The following IQCJ variants were observed in gnomAD, a reference collection of about 807,000 sequenced individuals.
IQCJ encodes the protein IQ motif containing J.
Under a neutral mutation model 11.0 loss-of-function variants are expected in IQCJ, and 9 were observed. The ratio of observed to expected loss-of-function variants is 0.82; its 90% CI spans 0.49 to 1.43. The LOEUF is 1.43. Among genes scored for constraint, IQCJ ranks in the 40% most tolerant of loss-of-function variants. The pLI is 0.00. For missense variants in IQCJ, 146 were observed against 133.2 expected, an observed-to-expected ratio of 1.10 and a Z score of -0.47; for synonymous variants, 55 against 51.3, an observed-to-expected ratio of 1.07 and a Z score of -0.31.
Position 159,152,525 on chromosome 3 carries a change from AGC to A in IQCJ, c.9+83085_9+83086del, listed in dbSNP as rs1446326058. ...AAGACCTGGGGTTAAATACTAGCTCAGCCACTCACTAAATGTGTGATTTTTGC... is the reference window on the plus strand; with the variant it reads ...AAGACCTGGGGTTAAATACTAGCTCACACTCACTAAATGTGTGATTTTTGC... On this transcript the variant is annotated intron_variant, in intron 1 of 3. Coordinates refer to ENST00000397832, the MANE Select transcript of IQCJ (RefSeq NM_001042706.3). Among the ~76,000 whole-genome samples, 3 of 152,340 alleles carry A rather than the reference AGC, an allele frequency of 2.0e-5. 1 individual carries two copies. Among genetic ancestry groups the A allele is most frequent in the East Asian group, 1.9e-4 (1 of 5,186 alleles).
chr3:159,089,771 C>T (rs1313777269), intron 1 of IQCJ, among the ~76,000 whole-genome samples: 1 of 151,684 alleles, frequency 6.6e-6, no homozygotes, highest in African/African-American at 2.4e-5. Flanking sequence ...TCAGCTCCAT[C>T]AGCTCCTTTA....
intron 3 of IQCJ, among the ~76,000 whole-genome samples, chr3:159,261,114 GAACTATTCCAGCC>G (rs1158761241): frequency 6.6e-6 from 1 of 152,092 alleles, no homozygotes; most frequent in Admixed American, 6.5e-5. Flanking sequence ...GATGATCTTT[GAACTATTCCAGCC>G]AAATGAGAAT....
At chr3:159,209,451 G>C (rs1341483265) in intron 1 of IQCJ, among the ~76,000 whole-genome samples, 1 of 152,164 alleles carries the variant, frequency 6.6e-6, no homozygotes, top group Admixed American at 6.5e-5. Context: ...TTCCTGGACA[G>C]ACGGATGGCT....
intron 1 of IQCJ, among the ~76,000 whole-genome samples, chr3:159,244,141 C>A (rs997437874): frequency 3.3e-5 from 5 of 152,112 alleles, no homozygotes; most frequent in African/African-American, 9.7e-5. Context: ...CAGACATGTA[C>A]ATGGAACTGT....
intron 1 of IQCJ, among the ~76,000 whole-genome samples, chr3:159,245,131 G>C (rs939617851): frequency 2.0e-5 from 3 of 152,144 alleles, no homozygotes; most frequent in African/African-American, 7.2e-5. Flanking sequence ...GTATGTGTGT[G>C]TCTGAGCACG....
intron 1 of IQCJ, among the ~76,000 whole-genome samples, chr3:159,109,696 A>T (rs1432272019): frequency 6.6e-6 from 1 of 151,984 alleles, no homozygotes; most frequent in African/African-American, 2.4e-5. Flanking sequence ...GCACCTTCAC[A>T]TTCAAATGCC....
At chr3:159,090,163 G>T (rs904785006) in intron 1 of IQCJ, among the ~76,000 whole-genome samples, 1 of 151,870 alleles carries the variant, frequency 6.6e-6, no homozygotes, top group South Asian at 2.1e-4. Flanking sequence ...CTGCAGGTCT[G>T]TTGGAGTACT....
intron 1 of IQCJ, among the ~76,000 whole-genome samples, chr3:159,087,704 A>G (rs1166545433): frequency 4.6e-4 from 67 of 145,388 alleles, no homozygotes; most frequent in African/African-American, 1.3e-3. Context: ...GTTTATTTGC[A>G]TAGCGGTGTT....
intron 1 of IQCJ, among the ~76,000 whole-genome samples, chr3:159,079,236 CAG>C (rs946174288): frequency 3.2e-4 from 48 of 152,226 alleles, no homozygotes; most frequent in African/African-American, 1.1e-3. Context: ...CAGTTTAAAA[CAG>C]AGTTCACCAC....
intron 3 of IQCJ, among the ~76,000 whole-genome samples, chr3:159,255,270 C>T (rs963507909): frequency 1.3e-5 from 2 of 152,184 alleles, no homozygotes; most frequent in Admixed American, 1.3e-4. Flanking sequence ...CTCCTTTCCC[C>T]TCCATGATGA....
chr3:159,115,121 T>C (rs558975789), intron 1 of IQCJ, among the ~76,000 whole-genome samples: 2 of 152,316 alleles, frequency 1.3e-5, no homozygotes, highest in Admixed American at 6.5e-5. Flanking sequence ...TTAGTTTGAG[T>C]AGGAAAGTTG....
At chr3:159,106,824 T>C (rs1718295008) in intron 1 of IQCJ, among the ~76,000 whole-genome samples, 1 of 152,220 alleles carries the variant, frequency 6.6e-6, no homozygotes, top group Admixed American at 6.5e-5. Flanking sequence ...GACCCCTTCT[T>C]TGGGTTTGAT....
chr3:159,148,518 T>G (rs1249135404), intron 1 of IQCJ, among the ~76,000 whole-genome samples: 2 of 152,200 alleles, frequency 1.3e-5, no homozygotes, highest in East Asian at 3.8e-4. Flanking sequence ...CTGTAAGATA[T>G]ATGCTTAAAT....
intron 1 of IQCJ, among the ~76,000 whole-genome samples, chr3:159,193,429 A>G (rs1449847608): frequency 1.3e-5 from 2 of 152,162 alleles, no homozygotes; most frequent in Non-Finnish European, 2.9e-5. Flanking sequence ...GATGTTTGAT[A>G]TGTGATAGGA....
chr3:159,161,213 T>C (rs902583623), intron 1 of IQCJ, among the ~76,000 whole-genome samples: 2 of 152,238 alleles, frequency 1.3e-5, no homozygotes, highest in Non-Finnish European at 2.9e-5. Flanking sequence ...TTTTTAATGA[T>C]TGCCATTGTA....
chr3:159,215,864 C>T (rs1213038171), intron 1 of IQCJ, among the ~76,000 whole-genome samples: 1 of 151,848 alleles, frequency 6.6e-6, no homozygotes, highest in Non-Finnish European at 1.5e-5. Flanking sequence ...TGATTTGTTT[C>T]ATGTTTGTTT....
intron 1 of IQCJ, among the ~76,000 whole-genome samples, chr3:159,102,002 T>G (rs1212232458): frequency 6.6e-6 from 1 of 152,236 alleles, no homozygotes; most frequent in Non-Finnish European, 1.5e-5. Flanking sequence ...AAAAAAGTAA[T>G]CACATCTGGT....
intron 1 of IQCJ, among the ~76,000 whole-genome samples, chr3:159,082,108 G>A (rs73025592): frequency 1.3e-5 from 2 of 152,060 alleles, no homozygotes; most frequent in South Asian, 4.1e-4. Flanking sequence ...AATCTATGAT[G>A]TACTAACATT....
intron 1 of IQCJ, among the ~76,000 whole-genome samples, chr3:159,242,725 A>G (rs1311738165): frequency 6.6e-6 from 1 of 152,142 alleles, no homozygotes; most frequent in African/African-American, 2.4e-5. Context: ...ATGTAAATGA[A>G]CTATACATTT....
Sources: allele counts gnomAD v4.1 joint callset (sites outside exome capture counted in the v4.1 genomes callset), GRCh38; gene constraint gnomAD v4.1.1; transcripts MANE v1.5; gene names NCBI Gene and HGNC (gene_info 2026-07-23, HGNC 2026-07-21).